The following CACNA2D3 variants were observed in gnomAD, a reference collection of about 807,000 sequenced individuals.
CACNA2D3 encodes calcium voltage-gated channel auxiliary subunit alpha2delta 3.
In CACNA2D3, 60 loss-of-function variants were observed where a neutral mutation model predicts 160.6. The ratio of observed to expected loss-of-function variants is 0.37; its 90% confidence interval spans 0.30 to 0.46. The LOEUF (loss-of-function observed/expected upper bound fraction) is 0.46, where lower values mean the gene tolerates loss of function less well. Ranked by LOEUF, CACNA2D3 falls within the 20% of genes least tolerant of loss-of-function variation. The pLI is 1.00. For missense variants in CACNA2D3, 1,205 were observed against 1,365.0 expected (o/e 0.88, Z 1.85); for synonymous variants, 558 against 492.9 (o/e 1.13, Z -1.75).
At chr3:54,149,923 CTCTCT>C (rs1700111103) in intron 2 of CACNA2D3, among the ~76,000 whole-genome samples, 3 of 70,000 alleles carry the variant, frequency 4.3e-5, no homozygotes, top group African/African-American at 1.2e-4. Flanking sequence ...CTCTCTCTCT[CTCTCT>C]CTCCCTCCCT....
In CACNA2D3 at chr3:54,816,860, A is replaced by G. The variant is rs1703469715; in HGVS notation, c.1388A>G (p.Gln463Arg). 1.2e-6 allele frequency: 2 copies of G among 1,613,758 alleles called. No individual in the cohort carries two copies. The highest frequency in any genetic ancestry group is 2.2e-5 in the East Asian group (1 of 44,882). The change falls in exon 14 of 38, where the codon CAG becomes CGG. Residue 463 changes from glutamine (Q) to arginine (R), a missense_variant. By Grantham distance (43) the Gln-to-Arg change is conservative. This residue lies in a region of CACNA2D3 where 911 missense variants were observed against 1,002.2 expected (regional missense o/e 0.91). Transcript: ENST00000474759. ...TTTGTTTTCCCCCTTCAGCTCCCTC[A>G]GGCACAAAAGGTAAATTCTCTTCTG... ...TEAYIDSTLP[Q>R]AQKLTDDQGP... is the part of the protein sequence containing the mutation.
Position 54,968,400 on chromosome 3 carries a change from A to G in CACNA2D3, c.2450-50A>G, listed in dbSNP as rs1291614838. 5 of 1,204,254 alleles carry G rather than the reference A, an allele frequency of 4.2e-6. 1 individual carries two copies. The South Asian group carries it at 6.4e-5, about 16-fold the overall frequency. The allele number at this position is 1,204,254 out of a possible 1,614,324, so 74.6% of individuals were successfully genotyped here. On this transcript the variant is annotated intron_variant, in intron 27 of 37. Transcript: ENST00000474759. Reference sequence around the variant, plus strand: ...TAATTTTCAACGATAATCTTAAATAATTGTGTAAAGGGATCACTAATGCCT... The same window carrying G: ...TAATTTTCAACGATAATCTTAAATAGTTGTGTAAAGGGATCACTAATGCCT...
intron 11 of CACNA2D3, among the ~76,000 whole-genome samples, chr3:54,735,381 G>T (rs139776662): frequency 6.6e-6 from 1 of 152,144 alleles, no homozygotes; most frequent in African/African-American, 2.4e-5. Context: ...CACATTTTGG[G>T]TCAGAAGTTT....
At chr3:54,308,361 A>G (rs1703655379) in intron 2 of CACNA2D3, among the ~76,000 whole-genome samples, 1 of 152,140 alleles carries the variant, frequency 6.6e-6, no homozygotes, top group African/African-American at 2.4e-5. Context: ...GTGGACCATG[A>G]GCAGAACTGA....
intron 2 of CACNA2D3, among the ~76,000 whole-genome samples, chr3:54,307,885 A>C (rs1174272669): frequency 6.6e-6 from 1 of 152,222 alleles, no homozygotes; most frequent in African/African-American, 2.4e-5. Context: ...AGAGAAGGTC[A>C]TTGATGTTAT....
intron 2 of CACNA2D3, among the ~76,000 whole-genome samples, chr3:54,262,831 C>T (rs182406921): frequency 1.1e-4 from 16 of 152,224 alleles, no homozygotes; most frequent in Admixed American, 7.2e-4. Flanking sequence ...GGAGTGGAGA[C>T]GATGTTTCTT....
rs75140340 is a variant in CACNA2D3 at position 54,213,044 on chromosome 3, T to G, written c.204+89450T>G. 7.9e-5 allele frequency among the ~76,000 whole-genome samples: 12 copies of G among 152,270 alleles called. No homozygotes were observed. In the East Asian group the frequency reaches 2.3e-3, roughly 29 times the overall value. On this transcript the variant is annotated intron_variant, in intron 2 of 37. Transcript: ENST00000474759. ...CACATCAGGTGGGCTTCTGAGCTGA[T>G]GAGCCAAGGTCAGAATCTCCACCAT...
chr3:54,152,686 T>C (rs1700174090), intron 2 of CACNA2D3, among the ~76,000 whole-genome samples: 2 of 152,248 alleles, frequency 1.3e-5, no homozygotes, highest in South Asian at 4.1e-4. Context: ...TAATGTTTAA[T>C]AGTGTTTATG....
chr3:55,021,496 G>A, intron 35 of CACNA2D3, among the ~76,000 whole-genome samples: 1 of 149,580 alleles, frequency 6.7e-6, no homozygotes, highest in East Asian at 2.0e-4. Context: ...CTAACATTTT[G>A]TCTTTGATGC....
chr3:54,896,398 G>A (rs1453302712), intron 25 of CACNA2D3, among the ~76,000 whole-genome samples: 3 of 152,184 alleles, frequency 2.0e-5, no homozygotes, highest in Non-Finnish European at 2.9e-5. Context: ...ATGTGTGTGA[G>A]TATTAAAGCC....
intron 8 of CACNA2D3, among the ~76,000 whole-genome samples, chr3:54,579,282 A>G (rs1419978683): frequency 6.6e-6 from 1 of 152,162 alleles, no homozygotes; most frequent in East Asian, 1.9e-4. Context: ...AGGTGGCTGC[A>G]GCTTTTGCAC....
At chr3:54,717,806 G>A (rs918662957) in intron 11 of CACNA2D3, among the ~76,000 whole-genome samples, 33 of 139,544 alleles carry the variant, frequency 2.4e-4, no homozygotes, top group African/African-American at 6.9e-4. Context: ...GTGCGTGTGT[G>A]CGCATGTTTG....
chr3:54,257,852 A>C (rs764984057), intron 2 of CACNA2D3, among the ~76,000 whole-genome samples: 3 of 152,218 alleles, frequency 2.0e-5, no homozygotes, highest in Non-Finnish European at 4.4e-5. Context: ...AGAAATAATG[A>C]GGGAAATCCA....
intron 13 of CACNA2D3, among the ~76,000 whole-genome samples, chr3:54,800,664 G>T (rs1702964064): frequency 6.6e-6 from 1 of 152,158 alleles, no homozygotes; most frequent in African/African-American, 2.4e-5. Flanking sequence ...ACATTTTTCA[G>T]CATCTCAAAG....
chr3:54,140,494 A>T (rs7613759), intron 2 of CACNA2D3, among the ~76,000 whole-genome samples: 40,670 of 152,044 alleles, frequency 0.27, 5,539 homozygotes, highest in East Asian at 0.34. Context: ...GCCACTCCCA[A>T]ATTTCCTCTA....
At chr3:54,755,848 G>A (rs1701959434) in intron 12 of CACNA2D3, among the ~76,000 whole-genome samples, 2 of 151,178 alleles carry the variant, frequency 1.3e-5, no homozygotes, top group South Asian at 4.2e-4. Flanking sequence ...GTTATTTCTT[G>A]CCACATCAGA....
In CACNA2D3 at chr3:54,223,075, T is replaced by G. The variant is rs539461810; in HGVS notation, c.205-97367T>G. On this transcript the variant is annotated intron_variant, in intron 2 of 37. Coordinates refer to ENST00000474759, the MANE Select transcript of CACNA2D3 (RefSeq NM_018398.3). ...TTACCACCTTGTTAATTAAATCTTC[T>G]TATTTTATTCTTTTGATGCTTACCC... Among the ~76,000 whole-genome samples, 3 of 152,364 alleles carry G rather than the reference T, an allele frequency of 2.0e-5. No individual in the cohort carries two copies. In the South Asian group the frequency reaches 6.2e-4, roughly 32 times the overall value.
At chr3:55,029,700 A>G (rs1189896245) in intron 35 of CACNA2D3, among the ~76,000 whole-genome samples, 1 of 152,226 alleles carries the variant, frequency 6.6e-6, no homozygotes, top group African/African-American at 2.4e-5. Flanking sequence ...CACATACTCA[A>G]CAGTGACCAG....
At chr3:54,127,887 C>T (rs144986925) in intron 2 of CACNA2D3, among the ~76,000 whole-genome samples, 45 of 152,004 alleles carry the variant, frequency 3.0e-4, no homozygotes, top group East Asian at 2.1e-3. Context: ...TGCTAACTTT[C>T]GGTCTGAGCC....
Sources: gnomAD v4.1 joint callset for allele counts (sites outside exome capture counted in the v4.1 genomes callset) on GRCh38, gnomAD v4.1.1 for gene constraint, gnomAD v4.1.1 regional missense constraint, MANE v1.5 for transcripts, NCBI Gene and HGNC (gene_info 2026-07-23, HGNC 2026-07-21) for gene names.